WDR25: variants seen among roughly 807,000 people sequenced by gnomAD.
WDR25 encodes the protein WD repeat domain 25, also known as WD repeat-containing protein 25.
Under a neutral mutation model 47.7 loss-of-function variants are expected in WDR25, and 35 were observed. The ratio of observed to expected loss-of-function variants is 0.73; its 90% CI spans 0.56 to 0.97. WDR25 has a LOEUF of 0.97. WDR25 is among the 50% of genes least tolerant of loss of function. The pLI is 0.00. For synonymous variants in WDR25, 248 were observed against 278.9 expected, an observed-to-expected ratio of 0.89 and a Z score of 1.10; for missense variants, 634 against 704.7, an observed-to-expected ratio of 0.90 and a Z score of 1.14.
intron 3 of WDR25, among the ~76,000 whole-genome samples, chr14:100,472,727 G>A (rs747761919): frequency 1.3e-5 from 2 of 152,248 alleles, no homozygotes; most frequent in East Asian, 1.9e-4. Flanking sequence ...GGGCCATCAT[G>A]GGTTCTCCCA....
intron 3 of WDR25, among the ~76,000 whole-genome samples, chr14:100,472,173 A>G (rs1004742244): frequency 1.3e-5 from 2 of 152,180 alleles, no homozygotes; most frequent in African/African-American, 4.8e-5. Context: ...TTTACCTTTG[A>G]TGGCTGCAAA....
chr14:100,448,984 G>T (rs897098244), intron 2 of WDR25, among the ~76,000 whole-genome samples: 7 of 152,058 alleles, frequency 4.6e-5, no homozygotes, highest in Non-Finnish European at 7.4e-5. Context: ...AACAGAGTGA[G>T]TTTGGGAAAC....
Position 100,430,422 on chromosome 14 carries a change from A to G in WDR25, c.823-37599A>G, listed in dbSNP as rs1472815947. Among the ~76,000 whole-genome samples the G allele has an allele frequency of 6.6e-6, 1 of 152,182 alleles. No homozygotes were observed. Among genetic ancestry groups the G allele is most frequent in the African/African-American group, 2.4e-5 (1 of 41,450 alleles). The stretch of plus-strand genomic sequence containing the variant: ...GAAATTCCTAGTCTGTTTATTCATA[A>G]TAATACCTTATAGCTGAGTAATGAA... On this transcript the variant is annotated intron_variant, in intron 2 of 6. Coordinates refer to ENST00000402312, the MANE Select transcript of WDR25 (RefSeq NM_001161476.3). This position sits in a 1 kb window ranked among gnomAD's most constrained non-coding sequence, Gnocchi z 4.7.
At position 100,525,743 on chromosome 14, in the gene WDR25, C is replaced by CATAAA; in HGVS notation, c.1102-127_1102-126insATAAA. ...TATATGGCTTGTGGGTGCTGCTCAG[C>CATAAA]CTGGGTGTGTGTGGCCCAGCATAAA... On this transcript the variant is annotated intron_variant, in intron 4 of 6. Transcript: ENST00000402312. This position sits in a 1 kb window ranked among gnomAD's most constrained non-coding sequence, Gnocchi z 4.6. The CATAAA allele has an allele frequency of 9.1e-7, 1 of 1,095,032 alleles. No homozygotes were observed. Among genetic ancestry groups the CATAAA allele is most frequent in the Non-Finnish European group, 1.3e-6 (1 of 778,238 alleles). 67.8% of individuals were successfully genotyped at this position (1,095,032 alleles called of 1,614,324 possible).
At chr14:100,495,511 A>C (rs970157485) in intron 4 of WDR25, among the ~76,000 whole-genome samples, 2 of 152,196 alleles carry the variant, frequency 1.3e-5, no homozygotes, top group Non-Finnish European at 2.9e-5. Flanking sequence ...ACTGATGATC[A>C]GGTCTTCCAG....
intron 2 of WDR25, among the ~76,000 whole-genome samples, chr14:100,464,792 TC>T (rs2140291430): frequency 1.1e-5 from 1 of 94,820 alleles, no homozygotes; most frequent in Non-Finnish European, 2.2e-5. Flanking sequence ...TCTCATCTCA[TC>T]TCATCTCATC....
At chr14:100,443,317 C>T (rs981159377) in intron 2 of WDR25, among the ~76,000 whole-genome samples, 14 of 152,108 alleles carry the variant, frequency 9.2e-5, no homozygotes, top group African/African-American at 3.4e-4. Flanking sequence ...TCTCTTTCCC[C>T]TGAACTGAGA....
At chr14:100,460,302 C>T (rs1025220663) in intron 2 of WDR25, among the ~76,000 whole-genome samples, 2 of 151,776 alleles carry the variant, frequency 1.3e-5, no homozygotes, top group African/African-American at 2.4e-5. Flanking sequence ...TTAGTAGAGA[C>T]GGGGTTTCAC....
chr14:100,467,765 T>A (rs6575782), intron 2 of WDR25, among the ~76,000 whole-genome samples: 98,302 of 151,946 alleles, frequency 0.65, 32,147 homozygotes, highest in Admixed American at 0.72. Context: ...GGACTACAGA[T>A]GTGAGCTGCC....
intron 2 of WDR25, among the ~76,000 whole-genome samples, chr14:100,445,687 G>C (rs1898809320): frequency 6.6e-6 from 1 of 152,134 alleles, no homozygotes; most frequent in African/African-American, 2.4e-5. Context: ...GAAGTTTCCA[G>C]GCTTTTGTTC....
Position 100,460,750 on chromosome 14 carries a change from T to C in WDR25, c.823-7271T>C, listed in dbSNP as rs147909054. Among the ~76,000 whole-genome samples, 12 of 152,260 alleles carry C rather than the reference T, an allele frequency of 7.9e-5. No individual in the cohort carries two copies. The East Asian group carries it at 2.3e-3, about 29-fold the overall frequency. On this transcript the variant is annotated intron_variant, in intron 2 of 6. Coordinates refer to ENST00000402312, the MANE Select transcript of WDR25 (RefSeq NM_001161476.3). ...CATTAGCTCTAATGTCGTTCTTAAC[T>C]GTGTAAGACTGACCACCTTCCCAGT...
At chr14:100,426,327 G>A (rs979945430) in intron 2 of WDR25, among the ~76,000 whole-genome samples, 3 of 152,220 alleles carry the variant, frequency 2.0e-5, no homozygotes, top group African/African-American at 7.2e-5. Flanking sequence ...TTCCAACTCG[G>A]AAGAGTTATT....
chr14:100,426,837 C>T (rs963063202), intron 2 of WDR25, among the ~76,000 whole-genome samples: 1 of 152,158 alleles, frequency 6.6e-6, no homozygotes, highest in Admixed American at 6.5e-5. Flanking sequence ...CCAGCAATGC[C>T]GCCTGGTATG....
Position 100,523,566 on chromosome 14 carries a change from A to G in WDR25, c.1102-2304A>G, listed in dbSNP as rs1019978205. Among the ~76,000 whole-genome samples the G allele has an allele frequency of 1.3e-5, 2 of 152,120 alleles. No individual in the cohort carries two copies. Among genetic ancestry groups the G allele is most frequent in the East Asian group, 1.9e-4 (1 of 5,186 alleles). ...AACGAACCTTCCCCAGGCACATAGT[A>G]AATCTGTAGTGGGCCAAGATTGGAG... On this transcript the variant is annotated intron_variant, in intron 4 of 6. Transcript: ENST00000402312. The surrounding 1 kb of genome is among the most constrained non-coding windows in gnomAD (Gnocchi z 4.7).
intron 1 of WDR25, among the ~76,000 whole-genome samples, chr14:100,377,184 G>C (rs1475461366): frequency 6.6e-6 from 1 of 152,250 alleles, no homozygotes; most frequent in East Asian, 1.9e-4. Flanking sequence ...TTAGCATTTA[G>C]AGAACAGAAA....
intron 2 of WDR25, among the ~76,000 whole-genome samples, chr14:100,446,807 G>C (rs988201948): frequency 2.0e-5 from 3 of 152,158 alleles, no homozygotes; most frequent in Non-Finnish European, 4.4e-5. Context: ...CTGGCTCTGT[G>C]GGCGTGGTTA....
intron 2 of WDR25, among the ~76,000 whole-genome samples, chr14:100,457,551 A>G (rs1470155241): frequency 6.6e-6 from 1 of 152,250 alleles, no homozygotes; most frequent in Non-Finnish European, 1.5e-5. Context: ...CTTGCGCTAT[A>G]AGACATGTTA....
intron 4 of WDR25, among the ~76,000 whole-genome samples, chr14:100,511,291 T>C (rs1175445790): frequency 6.6e-6 from 1 of 152,250 alleles, no homozygotes; most frequent in Non-Finnish European, 1.5e-5. Flanking sequence ...TTGATGCTAT[T>C]GTAAGTGATA....
Position 100,529,136 on chromosome 14 carries a change from C to A in WDR25, c.1341C>A (p.Gly447=). 1 of 1,602,208 alleles carries A rather than the reference C, an allele frequency of 6.2e-7. No individual in the cohort carries two copies. Among genetic ancestry groups the A allele is most frequent in the Non-Finnish European group, 8.5e-7 (1 of 1,170,780 alleles). ...REPVFLAQTN[G]NYLALFSTVW... Reference sequence around the variant, plus strand: ...CCGTGTTCCTGGCACAGACCAATGGCAACTACCTGGCCCTTTTCTCCACTG... The same window carrying A: ...CCGTGTTCCTGGCACAGACCAATGGAAACTACCTGGCCCTTTTCTCCACTG... Residue 447 remains glycine (G), a synonymous_variant, in exon 6 of 7, where the codon GGC becomes GGA. Transcript: ENST00000402312. The surrounding 1 kb of genome is among the most constrained non-coding windows in gnomAD (Gnocchi z 5.1).
Sources: allele counts gnomAD v4.1 joint callset (sites outside exome capture counted in the v4.1 genomes callset), GRCh38; gene constraint gnomAD v4.1.1; non-coding constraint Gnocchi (gnomAD v3.1); transcripts MANE v1.5; gene names NCBI Gene and HGNC (gene_info 2026-07-23, HGNC 2026-07-21).